Variants in FHIT observed in about 807,000 individuals in gnomAD.
FHIT encodes bis(5'-adenosyl)-triphosphatase.
Under a neutral mutation model 17.9 loss-of-function variants are expected in FHIT, and 19 were observed. The observed-to-expected ratio is 1.06, with a 90% CI of 0.74 to 1.56. The LOEUF (loss-of-function observed/expected upper bound fraction) is 1.56. Among genes scored for constraint, FHIT ranks in the 40% most tolerant of loss-of-function variants. FHIT has a pLI of 0.00. For synonymous variants in FHIT, 81 were observed against 69.7 expected (o/e 1.16, Z -0.81); for missense variants, 248 against 189.2 (o/e 1.31, Z -1.82).
chr3:59,780,027 C>A (rs1363419013), intron 8 of FHIT, among the ~76,000 whole-genome samples: 4 of 152,186 alleles, frequency 2.6e-5, no homozygotes, highest in Admixed American at 2.0e-4. Flanking sequence ...CATAGTAGTT[C>A]CACGAAAGTC....
intron 4 of FHIT, among the ~76,000 whole-genome samples, chr3:60,685,339 G>T (rs2040838458): frequency 6.6e-6 from 1 of 152,142 alleles, no homozygotes; most frequent in African/African-American, 2.4e-5. Flanking sequence ...CCCTAAGAGA[G>T]AAAATTTGGC....
intron 8 of FHIT, among the ~76,000 whole-genome samples, chr3:59,859,352 A>T (rs1186459894): frequency 6.6e-6 from 1 of 152,214 alleles, no homozygotes; most frequent in Non-Finnish European, 1.5e-5. Context: ...AGCTCCAGAG[A>T]AAGAGTCATC....
intron 4 of FHIT, among the ~76,000 whole-genome samples, chr3:60,643,619 C>G (rs781891344): frequency 6.6e-5 from 10 of 152,114 alleles, no homozygotes; most frequent in Non-Finnish European, 1.2e-4. Flanking sequence ...AGATGCTGTA[C>G]GCAGATGGTC....
intron 5 of FHIT, among the ~76,000 whole-genome samples, chr3:60,031,932 G>A (rs1701020234): frequency 2.0e-5 from 3 of 152,168 alleles, no homozygotes; most frequent in Non-Finnish European, 4.4e-5. Flanking sequence ...CCTATGAGTT[G>A]TGTCACAGTA....
At chr3:60,429,505 A>T (rs1474772510) in intron 5 of FHIT, among the ~76,000 whole-genome samples, 1 of 151,984 alleles carries the variant, frequency 6.6e-6, no homozygotes, top group Non-Finnish European at 1.5e-5. Context: ...AAAACAAAAG[A>T]AGTTCTAGAT....
chr3:61,056,291 T>A (rs1283262450), intron 2 of FHIT, among the ~76,000 whole-genome samples: 1 of 152,064 alleles, frequency 6.6e-6, no homozygotes, highest in Non-Finnish European at 1.5e-5. Context: ...TTTACCCAGG[T>A]GAAGATTGGG....
intron 8 of FHIT, among the ~76,000 whole-genome samples, chr3:59,919,612 A>C (rs1003373104): frequency 6.6e-6 from 1 of 152,188 alleles, no homozygotes; most frequent in Non-Finnish European, 1.5e-5. Flanking sequence ...GAAAGAACAC[A>C]ATGTTCCTAG....
intron 8 of FHIT, among the ~76,000 whole-genome samples, chr3:59,846,500 A>G (rs1432404090): frequency 6.6e-6 from 1 of 152,140 alleles, no homozygotes; most frequent in Non-Finnish European, 1.5e-5. Flanking sequence ...TATATAGAAA[A>G]CAAAACATGG....
chr3:60,180,641 C>T (rs1481332769), intron 5 of FHIT, among the ~76,000 whole-genome samples: 2 of 152,148 alleles, frequency 1.3e-5, no homozygotes, highest in African/African-American at 4.8e-5. Flanking sequence ...TATTTTAATT[C>T]TCTGTTAGAA....
chr3:61,089,718 G>T (rs1227216404), intron 2 of FHIT, among the ~76,000 whole-genome samples: 1 of 152,180 alleles, frequency 6.6e-6, no homozygotes, highest in Non-Finnish European at 1.5e-5. Context: ...AAGACTCATT[G>T]TGTGTAAAGA....
At chr3:61,089,944 G>T (rs1259048989) in intron 2 of FHIT, among the ~76,000 whole-genome samples, 2 of 152,162 alleles carry the variant, frequency 1.3e-5, no homozygotes, top group African/African-American at 4.8e-5. Context: ...AGAGAAGCAA[G>T]CATCAGATAA....
intron 5 of FHIT, among the ~76,000 whole-genome samples, chr3:60,512,380 C>T (rs1049361202): frequency 6.6e-6 from 1 of 152,190 alleles, no homozygotes; most frequent in African/African-American, 2.4e-5. Flanking sequence ...CACTCCTCAC[C>T]TGAATCAACA....
chr3:60,297,726 C>T (rs1452449142), intron 5 of FHIT, among the ~76,000 whole-genome samples: 1 of 152,042 alleles, frequency 6.6e-6, no homozygotes, highest in Admixed American at 6.6e-5. Flanking sequence ...TGTTTTCCTA[C>T]TCTCACACAC....
chr3:59,913,658 T>A (rs1350690831), intron 8 of FHIT, among the ~76,000 whole-genome samples: 2 of 152,166 alleles, frequency 1.3e-5, no homozygotes, highest in African/African-American at 4.8e-5. Flanking sequence ...ATATTATTAT[T>A]TTTCATTAGT....
At chr3:59,949,978 C>G (rs1182426894) in intron 7 of FHIT, among the ~76,000 whole-genome samples, 1 of 152,160 alleles carries the variant, frequency 6.6e-6, no homozygotes, top group African/African-American at 2.4e-5. Context: ...AATTAAATCT[C>G]TAATGAGGAC....
intron 2 of FHIT, among the ~76,000 whole-genome samples, chr3:61,090,022 C>T (rs1204657155): frequency 6.6e-6 from 1 of 152,214 alleles, no homozygotes; most frequent in Non-Finnish European, 1.5e-5. Context: ...ATGAAGTTTT[C>T]ATTCACTCGT....
intron 2 of FHIT, chr3:61,165,470 A>G (rs1225161040): frequency 6.6e-6 from 1 of 152,330 alleles, no homozygotes; most frequent in Non-Finnish European, 1.5e-5. Flanking sequence ...TCTTTTGCCC[A>G]TCTTTTAATA....
chr3:60,398,836 G>T (rs1480255815), intron 5 of FHIT, among the ~76,000 whole-genome samples: 3 of 151,710 alleles, frequency 2.0e-5, no homozygotes, highest in Non-Finnish European at 4.4e-5. Flanking sequence ...TCTATGTTTT[G>T]GGAAAAACTG....
rs141149269 is a variant in FHIT, at chr3:61,064,336, C to T, written c.-163-22237G>A. Among the ~76,000 whole-genome samples, 362 of 152,214 alleles carry T rather than the reference C, an allele frequency of 2.4e-3. 1 individual carries two copies. The highest frequency in any genetic ancestry group is 8.6e-3 in the African/African-American group (357 of 41,516). ...CTGTGGTGTTGAAAGCTCTGGCAGC[C>T]ATTTTGTGGCATGAGGTAACAAGTC... is the stretch of plus-strand genomic sequence containing the variant. On this transcript the variant is annotated intron_variant, in intron 2 of 9. Coordinates refer to ENST00000492590, the MANE Select transcript of FHIT (RefSeq NM_002012.4).
Sources: allele counts gnomAD v4.1 joint callset (sites outside exome capture counted in the v4.1 genomes callset), GRCh38; gene constraint gnomAD v4.1.1; transcripts MANE v1.5; gene names NCBI Gene and HGNC (gene_info 2026-07-23, HGNC 2026-07-21).